The following NSUN6 variants were observed in gnomAD, a reference collection of about 807,000 sequenced individuals.
The protein encoded by NSUN6 is NOP2/Sun RNA methyltransferase 6.
In NSUN6, 64 loss-of-function variants were observed where a neutral mutation model predicts 58.0. The observed-to-expected ratio is 1.10, with a 90% CI of 0.90 to 1.36. The LOEUF is 1.36. NSUN6 is among the 40% of genes most tolerant of loss of function. The probability of loss-of-function intolerance (pLI) is 0.00; values close to 1 mark genes in which losing one functional copy is unlikely to be tolerated. For synonymous variants in NSUN6, 231 were observed against 193.9 expected (o/e 1.19, Z -1.59); for missense variants, 701 against 550.1 (o/e 1.27, Z -2.74).
chr10:18,573,823 G>T (rs1447049910), intron 8 of NSUN6, among the ~76,000 whole-genome samples: 1 of 152,032 alleles, frequency 6.6e-6, no homozygotes, highest in African/African-American at 2.4e-5. Flanking sequence ...AGGGAATCAC[G>T]TCCCTACCCT....
intron 6 of NSUN6, among the ~76,000 whole-genome samples, chr10:18,607,411 C>T (rs1399014460): frequency 6.6e-6 from 1 of 152,168 alleles, no homozygotes; most frequent in African/African-American, 2.4e-5. Flanking sequence ...ATGAATATCA[C>T]CTGGTTCTGG....
At chr10:18,658,343 T>C (rs551883213), upstream of NSUN6, 2 of 152,330 alleles carry the variant, frequency 1.3e-5, no homozygotes, top group East Asian at 3.9e-4. Flanking sequence ...GAGTTTGGCA[T>C]GTTAAAAGGC....
intron 8 of NSUN6, among the ~76,000 whole-genome samples, chr10:18,555,247 T>G (rs1235677374): frequency 7.4e-6 from 1 of 135,852 alleles, no homozygotes; most frequent in Non-Finnish European, 1.6e-5. Flanking sequence ...GTGGAGAGTA[T>G]AGAGGAAAGT....
intron 7 of NSUN6, among the ~76,000 whole-genome samples, chr10:18,594,841 C>G (rs2057522772): frequency 6.6e-6 from 1 of 152,176 alleles, no homozygotes; most frequent in Non-Finnish European, 1.5e-5. Context: ...TGCTGTCACT[C>G]TGATGGGATT....
chr10:18,591,767 A>G (rs932873058), intron 7 of NSUN6, among the ~76,000 whole-genome samples: 9 of 152,224 alleles, frequency 5.9e-5, no homozygotes, highest in Non-Finnish European at 1.3e-4. Flanking sequence ...CATCATACCG[A>G]ATGGGCAAAA....
intron 2 of NSUN6, among the ~76,000 whole-genome samples, chr10:18,647,595 G>C (rs1283579922): frequency 6.6e-6 from 1 of 152,114 alleles, no homozygotes; most frequent in African/African-American, 2.4e-5. Flanking sequence ...TCATCTGTAA[G>C]AGGAATATTT....
intron 3 of NSUN6, among the ~76,000 whole-genome samples, chr10:18,640,096 T>C (rs1193276414): frequency 6.6e-6 from 1 of 152,234 alleles, no homozygotes; most frequent in African/African-American, 2.4e-5. Flanking sequence ...TTAAAAAGAA[T>C]GAAATAGTGT....
intron 2 of NSUN6, 131 bp from the exon 3 acceptor site, chr10:18,642,686 C>T (rs1375837413): frequency 2.1e-5 from 11 of 515,128 alleles, no homozygotes; most frequent in East Asian, 1.2e-4. Context: ...CCTTATTCCA[C>T]GGGATACTGT....
intron 8 of NSUN6, among the ~76,000 whole-genome samples, chr10:18,568,262 A>T (rs2056108816): frequency 1.4e-5 from 2 of 145,892 alleles, no homozygotes; most frequent in African/African-American, 5.1e-5. Context: ...TCCACTCCAT[A>T]CCATTCTCCA....
intron 3 of NSUN6, among the ~76,000 whole-genome samples, chr10:18,639,735 G>C (rs185560816): frequency 1.8e-4 from 27 of 152,262 alleles, no homozygotes; most frequent in African/African-American, 6.5e-4. Flanking sequence ...GTAAAAGTAA[G>C]TATTGAAAAT....
chr10:18,622,014 CATATAT>C (rs10572337), intron 3 of NSUN6, among the ~76,000 whole-genome samples: 43 of 151,118 alleles, frequency 2.8e-4, no homozygotes, highest in East Asian at 5.9e-4. Context: ...CCTATTCACA[CATATAT>C]ATATATATAT....
At chr10:18,614,413 G>C in intron 5 of NSUN6, 47 bp downstream of exon 5, 1 of 1,141,732 alleles carries the variant, frequency 8.8e-7, no homozygotes, top group East Asian at 2.9e-5. Flanking sequence ...AATTTTCATT[G>C]ACCCACAAAA....
intron 5 of NSUN6, among the ~76,000 whole-genome samples, chr10:18,613,832 C>A (rs542013738): frequency 2.2e-4 from 34 of 152,232 alleles, no homozygotes; most frequent in African/African-American, 7.9e-4. Context: ...TTCAGCATGT[C>A]TATGTCAGCC....
chr10:18,648,741 A>C, intron 1 of NSUN6, 96 bp from the exon 2 acceptor site: 1 of 684,102 alleles, frequency 1.5e-6, no homozygotes, highest in South Asian at 1.9e-5. Flanking sequence ...ATCGCTTAGC[A>C]ATTGTTCAGC....
At chr10:18,567,809 CTCCAT>C (rs1172315807) in intron 8 of NSUN6, among the ~76,000 whole-genome samples, 4 of 150,882 alleles carry the variant, frequency 2.7e-5, no homozygotes, top group East Asian at 3.9e-4. Flanking sequence ...TCATTCCATT[CTCCAT>C]TCCATTCCTT....
rs75967699 is a variant in NSUN6 at position 18,545,868 on chromosome 10, TA to T, written c.*64del. 139,516 of 731,210 alleles carry T rather than the reference TA, an allele frequency of 0.19. 5,061 individuals are homozygous for T. The highest frequency in any genetic ancestry group is 0.24 in the Middle Eastern group (632 of 2,580). The allele number at this position is 731,210 out of a possible 1,614,324, so 45.3% of individuals were successfully genotyped here. A position where few individuals can be genotyped will look rare whatever the true frequency, so the allele number is the denominator to read the frequency against. On this transcript the variant is annotated 3_prime_UTR_variant, in exon 11 of 11. Coordinates refer to ENST00000377304, the MANE Select transcript of NSUN6 (RefSeq NM_182543.5). ...TCAGTTGGCCTGACAACACTTTGGT[TA>T]AAAAAAAAAAAACCACAGACAGCAA...
intron 3 of NSUN6, among the ~76,000 whole-genome samples, chr10:18,630,664 A>T (rs1030907647): frequency 6.6e-6 from 1 of 152,238 alleles, no homozygotes; most frequent in African/African-American, 2.4e-5. Flanking sequence ...GAAGAAATGG[A>T]TAAATTCCTC....
At chr10:18,558,567 A>C (rs2055229589) in intron 8 of NSUN6, among the ~76,000 whole-genome samples, 1 of 151,300 alleles carries the variant, frequency 6.6e-6, no homozygotes, top group Admixed American at 6.6e-5. Flanking sequence ...AATATAATGG[A>C]GTGGAGAATG....
At chr10:18,627,625 T>G (rs2058861438) in intron 3 of NSUN6, among the ~76,000 whole-genome samples, 4 of 152,182 alleles carry the variant, frequency 2.6e-5, no homozygotes, top group Admixed American at 2.6e-4. Context: ...GGGAGTTCCC[T>G]TTCCTAGTCA....
Sources: gnomAD v4.1 joint callset for allele counts (sites outside exome capture counted in the v4.1 genomes callset) on GRCh38, gnomAD v4.1.1 for gene constraint, MANE v1.5 for transcripts, NCBI Gene and HGNC (gene_info 2026-07-23, HGNC 2026-07-21) for gene names.